The following CCSER1 variants were observed in gnomAD, a reference collection of about 807,000 sequenced individuals.
The protein encoded by CCSER1 is coiled-coil serine rich protein 1.
CCSER1 carries 41 observed loss-of-function variants against 82.0 expected under a neutral mutation model. That is an observed-to-expected ratio of 0.50 (90% CI 0.39 to 0.65). The LOEUF (loss-of-function observed/expected upper bound fraction) is 0.65, where lower values mean the gene tolerates loss of function less well. CCSER1 is among the 30% of genes least tolerant of loss of function. The probability of loss-of-function intolerance (pLI) is 0.00; values close to 1 mark genes in which losing one functional copy is unlikely to be tolerated. For missense variants in CCSER1, 1,119 were observed against 1,064.2 expected (o/e 1.05, Z -0.72); for synonymous variants, 414 against 383.9 (o/e 1.08, Z -0.92).
At chr4:91,032,187 C>T (rs949796577) in intron 9 of CCSER1, among the ~76,000 whole-genome samples, 1 of 152,126 alleles carries the variant, frequency 6.6e-6, no homozygotes, top group African/African-American at 2.4e-5. Flanking sequence ...ATATTACTTA[C>T]ATGTTATACA....
At chr4:91,422,131 C>T (rs924496107) in intron 10 of CCSER1, among the ~76,000 whole-genome samples, 1 of 152,050 alleles carries the variant, frequency 6.6e-6, no homozygotes, top group African/African-American at 2.4e-5. Context: ...TAGTAATACT[C>T]ATGATGGACT....
intron 1 of CCSER1, among the ~76,000 whole-genome samples, chr4:90,239,459 C>T (rs912656938): frequency 6.6e-6 from 1 of 152,222 alleles, no homozygotes; most frequent in Admixed American, 6.5e-5. Flanking sequence ...TTACTTGATA[C>T]TGTAATGTGT....
chr4:91,217,830 T>C (rs1222615160), intron 10 of CCSER1, among the ~76,000 whole-genome samples: 1 of 152,206 alleles, frequency 6.6e-6, no homozygotes. Context: ...AGGGTGCTGA[T>C]TGGTGTATTT....
intron 10 of CCSER1, among the ~76,000 whole-genome samples, chr4:91,456,733 T>G (rs1349852374): frequency 6.6e-6 from 1 of 152,132 alleles, no homozygotes; most frequent in Non-Finnish European, 1.5e-5. Flanking sequence ...ATTGTAGCTC[T>G]GATATTATTT....
chr4:90,468,421 T>C (rs1763916968), intron 5 of CCSER1, 67 bp downstream of exon 5: 1 of 1,400,986 alleles, frequency 7.1e-7, no homozygotes. Flanking sequence ...GAAAATGTGA[T>C]TTATAATAAA....
In CCSER1 at chr4:91,093,610, T is replaced by C. The variant is rs1251221581; in HGVS notation, c.2217+7616T>C. Reference sequence around the variant, plus strand: ...CTCTCAGACGTGGAGGCCAGCCTTTTGAAGCTCCGTCTAGCTGTTTTGAGA... The same window carrying C: ...CTCTCAGACGTGGAGGCCAGCCTTTCGAAGCTCCGTCTAGCTGTTTTGAGA... On this transcript the variant is annotated intron_variant, in intron 10 of 10. Coordinates refer to ENST00000509176, the MANE Select transcript of CCSER1 (RefSeq NM_001145065.2). 2.0e-5 allele frequency among the ~76,000 whole-genome samples: 3 copies of C among 152,238 alleles called. No individual in the cohort carries two copies. In the South Asian group the frequency reaches 6.2e-4, roughly 31 times the overall value.
intron 10 of CCSER1, among the ~76,000 whole-genome samples, chr4:91,191,625 C>T (rs1381823930): frequency 6.6e-6 from 1 of 152,134 alleles, no homozygotes; most frequent in African/African-American, 2.4e-5. Context: ...TTTCCAGAGA[C>T]ACAGTCGGTT....
intron 6 of CCSER1, among the ~76,000 whole-genome samples, chr4:90,699,771 A>G (rs1031114801): frequency 2.0e-5 from 3 of 152,000 alleles, no homozygotes; most frequent in South Asian, 2.1e-4. Flanking sequence ...CTAATCATCA[A>G]TGTGATGATG....
intron 3 of CCSER1, among the ~76,000 whole-genome samples, chr4:90,356,861 T>C (rs757108115): frequency 6.6e-5 from 10 of 151,878 alleles, no homozygotes; most frequent in Non-Finnish European, 1.3e-4. Flanking sequence ...CACCATAACT[T>C]ACTAAGATTC....
At chr4:91,111,860 A>T (rs1484816884) in intron 10 of CCSER1, among the ~76,000 whole-genome samples, 1 of 151,792 alleles carries the variant, frequency 6.6e-6, no homozygotes, top group Non-Finnish European at 1.5e-5. Flanking sequence ...GAAAAAAAAA[A>T]AAAAGGAAAG....
intron 5 of CCSER1, among the ~76,000 whole-genome samples, chr4:90,469,474 A>G (rs1451985562): frequency 3.3e-5 from 5 of 150,496 alleles, no homozygotes; most frequent in African/African-American, 1.2e-4. Flanking sequence ...TAATTGCATC[A>G]TGTTTGCCAA....
chr4:90,595,011 T>G (rs112090112), intron 5 of CCSER1, among the ~76,000 whole-genome samples: 4,399 of 152,148 alleles, frequency 0.029, 220 homozygotes, highest in African/African-American at 0.1. Context: ...ATACTTTAAG[T>G]GACTAATTAT....
intron 8 of CCSER1, among the ~76,000 whole-genome samples, chr4:90,827,306 A>G (rs567967287): frequency 6.6e-6 from 1 of 152,262 alleles, no homozygotes; most frequent in African/African-American, 2.4e-5. Flanking sequence ...ATAAAGTTAG[A>G]GTTTCTTCAG....
At chr4:91,072,789 G>T (rs1721569365) in intron 9 of CCSER1, among the ~76,000 whole-genome samples, 1 of 151,968 alleles carries the variant, frequency 6.6e-6, no homozygotes. Context: ...ATTAGTAATG[G>T]TAACATATTG....
rs568289550 is a variant in CCSER1 at position 90,362,698 on chromosome 4, C to T, written c.1510-37338C>T. 2.8e-4 allele frequency among the ~76,000 whole-genome samples: 42 copies of T among 152,240 alleles called. 1 individual carries two copies. The highest frequency in any genetic ancestry group is 9.4e-4 in the African/African-American group (39 of 41,540). ...TTGCCCTGATTCTGCAGAGAGGCTA[C>T]CATAGCCACAGACGTCCCTCTGTGT... On this transcript the variant is annotated intron_variant, in intron 3 of 10. Coordinates refer to ENST00000509176, the MANE Select transcript of CCSER1 (RefSeq NM_001145065.2).
chr4:90,209,753 T>G (rs960757359), intron 1 of CCSER1, among the ~76,000 whole-genome samples: 3 of 151,996 alleles, frequency 2.0e-5, no homozygotes, highest in African/African-American at 4.8e-5. Flanking sequence ...AAGCTCATTG[T>G]GTCTGTTTGT....
chr4:90,842,392 A>G (rs951030751), intron 8 of CCSER1, among the ~76,000 whole-genome samples: 1 of 152,154 alleles, frequency 6.6e-6, no homozygotes, highest in Non-Finnish European at 1.5e-5. Context: ...AGAACTTCTC[A>G]GGGAGAGAGT....
chr4:90,731,775 C>A (rs1043611836), intron 7 of CCSER1, among the ~76,000 whole-genome samples: 3 of 151,976 alleles, frequency 2.0e-5, no homozygotes, highest in African/African-American at 7.3e-5. Flanking sequence ...ATGATAGTTT[C>A]ACTCATATAA....
intron 4 of CCSER1, among the ~76,000 whole-genome samples, chr4:90,420,625 A>C: frequency 6.6e-6 from 1 of 152,054 alleles, no homozygotes; most frequent in East Asian, 1.9e-4. Flanking sequence ...TTCAGTGACA[A>C]AGAAGGCTTT....
Sources: gnomAD v4.1 joint callset for allele counts (sites outside exome capture counted in the v4.1 genomes callset) on GRCh38, gnomAD v4.1.1 for gene constraint, MANE v1.5 for transcripts, NCBI Gene and HGNC (gene_info 2026-07-23, HGNC 2026-07-21) for gene names.